The following COMMD10 variants were observed in gnomAD, a reference collection of about 807,000 sequenced individuals.
COMMD10 encodes the protein COMM domain-containing protein 10.
COMMD10 carries 33 observed loss-of-function variants against 28.9 expected under a neutral mutation model. That is an observed-to-expected ratio of 1.14 (90% confidence interval 0.87 to 1.53). COMMD10 has a LOEUF of 1.53. COMMD10 is among the 40% of genes most tolerant of loss of function. COMMD10 has a pLI of 0.00. For missense variants in COMMD10, 310 were observed against 233.4 expected, an observed-to-expected ratio of 1.33 and a Z score of -2.14; for synonymous variants, 110 against 81.7, an observed-to-expected ratio of 1.35 and a Z score of -1.87.
chr5:116,267,268 A>G (rs532953516), intron 5 of COMMD10, among the ~76,000 whole-genome samples: 9 of 151,934 alleles, frequency 5.9e-5, no homozygotes, highest in South Asian at 4.1e-4. Context: ...CACAAAATCA[A>G]TGTGCAAAAA....
intron 5 of COMMD10, among the ~76,000 whole-genome samples, chr5:116,139,606 T>C (rs2112779529): frequency 6.6e-6 from 1 of 151,738 alleles, no homozygotes; most frequent in East Asian, 1.9e-4. Flanking sequence ...TTTTTTTTCA[T>C]TGAAGTATCA....
At chr5:116,102,575 T>C (rs749696261) in intron 4 of COMMD10, among the ~76,000 whole-genome samples, 2 of 152,204 alleles carry the variant, frequency 1.3e-5, no homozygotes, top group Non-Finnish European at 2.9e-5. Flanking sequence ...TAGGATTGTT[T>C]TTCCTAATTT....
At chr5:116,201,583 T>A (rs892359880) in intron 5 of COMMD10, among the ~76,000 whole-genome samples, 3 of 152,174 alleles carry the variant, frequency 2.0e-5, no homozygotes, top group African/African-American at 4.8e-5. Flanking sequence ...TGACTTCTCT[T>A]ATGGATCCGA....
intron 4 of COMMD10, among the ~76,000 whole-genome samples, chr5:116,124,566 C>A (rs1437910550): frequency 1.3e-5 from 2 of 152,138 alleles, no homozygotes; most frequent in African/African-American, 4.8e-5. Context: ...GTGGAGAGTT[C>A]TGTAGATGTC....
chr5:116,251,298 ATTT>A, intron 5 of COMMD10, among the ~76,000 whole-genome samples: 1 of 137,076 alleles, frequency 7.3e-6, no homozygotes, highest in Non-Finnish European at 1.6e-5. Flanking sequence ...TTATTTATTT[ATTT>A]ATTATTATAC....
intron 5 of COMMD10, among the ~76,000 whole-genome samples, chr5:116,256,982 A>G (rs1750306736): frequency 6.6e-6 from 1 of 151,806 alleles, no homozygotes. Context: ...CAGAGTAACT[A>G]AGCAGCATAA....
intron 5 of COMMD10, among the ~76,000 whole-genome samples, chr5:116,280,333 C>T (rs1211105943): frequency 1.3e-5 from 2 of 151,832 alleles, no homozygotes; most frequent in East Asian, 3.8e-4. Context: ...TTTGCTTGCA[C>T]TTTCTCAGGC....
At chr5:116,201,417 C>G (rs1748662956) in intron 5 of COMMD10, among the ~76,000 whole-genome samples, 1 of 152,114 alleles carries the variant, frequency 6.6e-6, no homozygotes, top group Non-Finnish European at 1.5e-5. Context: ...CAGTTGTCCA[C>G]ACTGACTCCA....
At chr5:116,272,981 T>C (rs919975762) in intron 5 of COMMD10, among the ~76,000 whole-genome samples, 1 of 151,862 alleles carries the variant, frequency 6.6e-6, no homozygotes, top group African/African-American at 2.4e-5. Flanking sequence ...AAGTTATCCA[T>C]TTGGAAACTG....
chr5:116,224,290 G>T (rs909768208), intron 5 of COMMD10, among the ~76,000 whole-genome samples: 9 of 152,202 alleles, frequency 5.9e-5, no homozygotes, highest in Admixed American at 2.6e-4. Context: ...GAAACTCTAT[G>T]TAGATAGGAG....
chr5:116,088,884 C>T (rs959708742), intron 2 of COMMD10, among the ~76,000 whole-genome samples: 6 of 152,302 alleles, frequency 3.9e-5, no homozygotes, highest in Middle Eastern at 6.8e-3. Flanking sequence ...GTGTCTTCCT[C>T]TGGTTTTAAA....
At chr5:116,222,532 GTT>G (rs1749287911) in intron 5 of COMMD10, among the ~76,000 whole-genome samples, 1 of 152,132 alleles carries the variant, frequency 6.6e-6, no homozygotes, top group Non-Finnish European at 1.5e-5. Context: ...TATTTGTAAA[GTT>G]GACACTATGT....
intron 5 of COMMD10, among the ~76,000 whole-genome samples, chr5:116,247,660 A>G (rs550950192): frequency 6.6e-6 from 1 of 152,204 alleles, no homozygotes; most frequent in Admixed American, 6.6e-5. Context: ...TATCCTTTGC[A>G]GGGACATGGA....
At chr5:116,119,487 T>G (rs528232625) in intron 4 of COMMD10, among the ~76,000 whole-genome samples, 1 of 152,182 alleles carries the variant, frequency 6.6e-6, no homozygotes, top group Non-Finnish European at 1.5e-5. Context: ...GTTGGAGATT[T>G]GTGCAGTATG....
intron 4 of COMMD10, among the ~76,000 whole-genome samples, chr5:116,108,432 TTTTTGAGCTGCAGTGG>T (rs1339338451): frequency 0.012 from 744 of 60,264 alleles, 10 homozygotes; most frequent in African/African-American, 0.035. Flanking sequence ...CTGCAGTGGC[TTTTTGAGCTGCAGTGG>T]GCTCTGCCCA....
At chr5:116,267,553 C>G (rs1015913429) in intron 5 of COMMD10, among the ~76,000 whole-genome samples, 2 of 151,850 alleles carry the variant, frequency 1.3e-5, no homozygotes, top group African/African-American at 4.9e-5. Flanking sequence ...AATGCCATCC[C>G]CATCAAGCTA....
intron 5 of COMMD10, among the ~76,000 whole-genome samples, chr5:116,136,826 A>G (rs984237481): frequency 3.9e-5 from 6 of 152,186 alleles, no homozygotes; most frequent in African/African-American, 1.2e-4. Flanking sequence ...TCATTAACAA[A>G]TATGCTGAGG....
intron 5 of COMMD10, among the ~76,000 whole-genome samples, chr5:116,143,175 C>T (rs78262202): frequency 0.014 from 1,998 of 146,024 alleles, 42 homozygotes; most frequent in African/African-American, 0.046. Context: ...TTCTGCATAA[C>T]GCAATGCAAA....
At chr5:116,146,031 C>G (rs1243294904) in intron 5 of COMMD10, among the ~76,000 whole-genome samples, 1 of 151,832 alleles carries the variant, frequency 6.6e-6, no homozygotes, top group Non-Finnish European at 1.5e-5. Context: ...CAAATAGATG[C>G]ATTATTTTCC....
Sources: gnomAD v4.1 joint callset for allele counts (sites outside exome capture counted in the v4.1 genomes callset) on GRCh38, gnomAD v4.1.1 for gene constraint, MANE v1.5 for transcripts, NCBI Gene and HGNC (gene_info 2026-07-23, HGNC 2026-07-21) for gene names.